PLBD2: variants seen among roughly 807,000 people sequenced by gnomAD.
The protein encoded by PLBD2 is phospholipase B domain containing 2, also known as putative aminopeptidase PLBD2.
A neutral mutation model predicts 68.3 loss-of-function variants in PLBD2; 51 were observed. The observed-to-expected ratio is 0.75, with a 90% confidence interval of 0.60 to 0.94. PLBD2 has a LOEUF of 0.94. Ranked by LOEUF, PLBD2 falls within the 40% of genes least tolerant of loss-of-function variation. PLBD2 has a pLI of 0.00. For missense variants in PLBD2, 729 were observed against 792.2 expected (o/e 0.92, Z 0.96); for synonymous variants, 314 against 339.3 (o/e 0.93, Z 0.82).
At chr12:113,368,523 C>T (rs572958876) in intron 1 of PLBD2, among the ~76,000 whole-genome samples, 1 of 152,278 alleles carries the variant, frequency 6.6e-6, no homozygotes, top group East Asian at 1.9e-4. Context: ...TTATAACTAG[C>T]ATGCTGTCAC....
chr12:113,377,606 C>T (rs1007174418), intron 5 of PLBD2, among the ~76,000 whole-genome samples: 3 of 151,996 alleles, frequency 2.0e-5, no homozygotes, highest in African/African-American at 4.8e-5. Flanking sequence ...TTGTATTTTC[C>T]GTAGAAATGG....
intron 1 of PLBD2, among the ~76,000 whole-genome samples, chr12:113,363,340 C>T (rs1468331955): frequency 6.6e-6 from 1 of 151,982 alleles, no homozygotes; most frequent in Non-Finnish European, 1.5e-5. Flanking sequence ...GAAGCTGAGA[C>T]GGGAGGACTG....
chr12:113,359,031 C>A, intron 1 of PLBD2, 141 bp downstream of exon 1: 2 of 967,418 alleles, frequency 2.1e-6, no homozygotes, highest in Non-Finnish European at 2.9e-6. Context: ...GAGGCTGCAG[C>A]ACCGCCCTGC....
rs779495701 is a variant in PLBD2, at chr12:113,384,268, G to A, written c.1118+3G>A. 7.5e-6 allele frequency: 12 copies of A among 1,607,344 alleles called. No individual in the cohort carries two copies. The highest frequency in any genetic ancestry group is 1.0e-5 in the Non-Finnish European group (12 of 1,176,426). ...TTCAAGAGGTTCAACAGCGGCACGTGAGTGGGCTTCTGGCCCTGTGGCTTC... is the reference window on the plus strand; with the variant it reads ...TTCAAGAGGTTCAACAGCGGCACGTAAGTGGGCTTCTGGCCCTGTGGCTTC... On this transcript the variant is annotated splice_donor_region_variant and intron_variant, in intron 7 of 11. Transcript: ENST00000280800. The surrounding 1 kb of genome is among the most constrained non-coding windows in gnomAD (Gnocchi z 4.2).
Position 113,372,789 on chromosome 12 carries a change from C to G in PLBD2, c.525C>G (p.Asp175Glu). The change falls in exon 3 of 12, where the codon GAC becomes GAG. Residue 175 changes from aspartate to glutamate, a missense_variant. Transcript: ENST00000280800. The surrounding 1 kb of genome is among the most constrained non-coding windows in gnomAD (Gnocchi z 4.2). ...WMQEEMESNP[D>E]SPYWHQVRLT... ...AGGAAGAGATGGAGTCAAACCCAGA[C>G]TCACCTTACTGGCACCAGGTGAGTC... 1.2e-6 allele frequency: 2 copies of G among 1,613,594 alleles called. No homozygotes were observed. Among genetic ancestry groups the G allele is most frequent in the South Asian group, 2.2e-5 (2 of 91,076 alleles).
At position 113,372,095 on chromosome 12, in the gene PLBD2, C is replaced by T. The variant is rs2136908309; in HGVS notation, c.385-554C>T. On this transcript the variant is annotated intron_variant, in intron 2 of 11. Coordinates refer to ENST00000280800, the MANE Select transcript of PLBD2 (RefSeq NM_173542.4). This position sits in a 1 kb window ranked among gnomAD's most constrained non-coding sequence, Gnocchi z 4.2. ...TGGTGATGGAGCAGCAGTCATGAAGCCATCAATCCTGAGGCAGTGAGTGCT... is the reference window on the plus strand; with the variant it reads ...TGGTGATGGAGCAGCAGTCATGAAGTCATCAATCCTGAGGCAGTGAGTGCT... Among the ~76,000 whole-genome samples, 1 of 152,106 alleles carries T rather than the reference C, an allele frequency of 6.6e-6. No homozygotes were observed. The highest frequency in any genetic ancestry group is 2.1e-4 in the South Asian group (1 of 4,824).
intron 11 of PLBD2, 77 bp from the exon 12 acceptor site, chr12:113,388,382 G>A: frequency 7.2e-7 from 1 of 1,391,430 alleles, no homozygotes; most frequent in Non-Finnish European, 9.5e-7. Context: ...TGGGGTCAAG[G>A]TCAGGGTGGG....
At chr12:113,381,241 C>T (rs1316564048) in intron 6 of PLBD2, among the ~76,000 whole-genome samples, 3 of 151,838 alleles carry the variant, frequency 2.0e-5, no homozygotes, top group Non-Finnish European at 4.4e-5. Flanking sequence ...ATAACTGTGC[C>T]CCCGCCCCCC....
At chr12:113,368,300 A>T (rs1957359228) in intron 1 of PLBD2, among the ~76,000 whole-genome samples, 1 of 152,162 alleles carries the variant, frequency 6.6e-6, no homozygotes, top group Non-Finnish European at 1.5e-5. Flanking sequence ...TGTGTGATAA[A>T]CCAGCCCCAA....
chr12:113,372,749 A>G lies in PLBD2; in HGVS notation c.485A>G (p.Asn162Ser). The part of the protein sequence containing the change: ...CERLKSFLEA[N>S]LEWMQEEMES... ...AGGCTGAAGAGCTTCCTGGAGGCCA[A>G]CCTAGAGTGGATGCAGGAAGAGATG... Residue 162 changes from asparagine to serine, a missense_variant, in exon 3 of 12, where the codon AAC (asparagine) becomes AGC (serine). Transcript: ENST00000280800. The surrounding 1 kb of genome is among the most constrained non-coding windows in gnomAD (Gnocchi z 4.2). 3 of 1,614,096 alleles carry G rather than the reference A, an allele frequency of 1.9e-6. No individual in the cohort carries two copies. The highest frequency in any genetic ancestry group is 2.5e-6 in the Non-Finnish European group (3 of 1,180,022).
Position 113,372,960 on chromosome 12 carries a change from A to T in PLBD2, c.543+153A>T, listed in dbSNP as rs1201849807. Among the ~76,000 whole-genome samples, 2 of 152,162 alleles carry T rather than the reference A, an allele frequency of 1.3e-5. No individual in the cohort carries two copies. The highest frequency in any genetic ancestry group is 6.5e-5 in the Admixed American group (1 of 15,278). On this transcript the variant is annotated intron_variant, in intron 3 of 11. Transcript: ENST00000280800. The surrounding 1 kb of genome is among the most constrained non-coding windows in gnomAD (Gnocchi z 4.2). ...ATCCCTCCTAGCCGACCTGCCACTC[A>T]TCCATCTGCCCAGTCTCCATCTGTC...
Position 113,384,848 on chromosome 12 carries a change from C to T in PLBD2, c.1119-3C>T. ...TTCAGTCCTCCCTTCCCCTGCCCGG[C>T]AGGTATAACAACCAGTGGATGATCG... On this transcript the variant is annotated splice_region_variant and splice_polypyrimidine_tract_variant and intron_variant, in intron 7 of 11. Transcript: ENST00000280800. The surrounding 1 kb of genome is among the most constrained non-coding windows in gnomAD (Gnocchi z 4.2). 6.2e-7 allele frequency: 1 copy of T among 1,613,614 alleles called. No individual in the cohort carries two copies. The highest frequency in any genetic ancestry group is 8.5e-7 in the Non-Finnish European group (1 of 1,179,728).
chr12:113,384,247 A>C lies in PLBD2; in HGVS notation c.1100A>C (p.Lys367Thr), dbSNP rs1460364076. Residue 367 changes from lysine (K) to threonine (T), a missense_variant, in exon 7 of 12, where the codon AAG becomes ACG. Physicochemically the swap from Lys to Thr is moderately conservative, Grantham distance 78 (BLOSUM62 -1). Coordinates refer to ENST00000280800, the MANE Select transcript of PLBD2 (RefSeq NM_173542.4). The surrounding 1 kb of genome is among the most constrained non-coding windows in gnomAD (Gnocchi z 4.2). ...SDGATWADIFKRFNSGTYNNQ... is the reference protein window; with the variant it reads ...SDGATWADIFTRFNSGTYNNQ... ...GGGGCCACCTGGGCAGACATCTTCA[A>C]GAGGTTCAACAGCGGCACGTGAGTG... 1 of 1,613,074 alleles carries C rather than the reference A, an allele frequency of 6.2e-7. No individual in the cohort carries two copies. The highest frequency in any genetic ancestry group is 1.7e-5 in the Admixed American group (1 of 59,822).
intron 1 of PLBD2, among the ~76,000 whole-genome samples, chr12:113,360,919 C>G (rs1768583451): frequency 6.6e-6 from 1 of 152,162 alleles, no homozygotes; most frequent in African/African-American, 2.4e-5. Flanking sequence ...GACTTTCTGG[C>G]TTGTTTTCGG....
intron 8 of PLBD2, 84 bp downstream of exon 8, chr12:113,385,030 C>A: frequency 7.1e-7 from 1 of 1,415,314 alleles, no homozygotes; most frequent in Non-Finnish European, 9.8e-7. Flanking sequence ...TGGCGCTGTG[C>A]AGGAAGTGAA....
At chr12:113,371,515 G>A (rs1957388798) in intron 2 of PLBD2, among the ~76,000 whole-genome samples, 1 of 152,248 alleles carries the variant, frequency 6.6e-6, no homozygotes, top group South Asian at 2.1e-4. Flanking sequence ...CTTAGTGTCT[G>A]GGGAAGTGGT....
In PLBD2 at chr12:113,388,640, C is replaced by A. The variant is rs1384819496; in HGVS notation, c.*14C>A. 6.4e-7 allele frequency: 1 copy of A among 1,554,358 alleles called. No individual in the cohort carries two copies. The highest frequency in any genetic ancestry group is 8.7e-7 in the Non-Finnish European group (1 of 1,148,304). ...TCATGGGACTGAAGTTCTGTCCCTGCTCTGCTGCTTTCGCCCCTGCTGACC... is the reference window on the plus strand; with the variant it reads ...TCATGGGACTGAAGTTCTGTCCCTGATCTGCTGCTTTCGCCCCTGCTGACC... On this transcript the variant is annotated 3_prime_UTR_variant, in exon 12 of 12. Transcript: ENST00000280800.
chr12:113,383,696 A>G (rs537485457), intron 6 of PLBD2, among the ~76,000 whole-genome samples: 1 of 151,760 alleles, frequency 6.6e-6, no homozygotes, highest in Admixed American at 6.6e-5. Context: ...TGGCCTCCCA[A>G]AGTGTGAGCC....
chr12:113,375,689 G>A (rs1957433377), intron 5 of PLBD2, among the ~76,000 whole-genome samples: 1 of 152,168 alleles, frequency 6.6e-6, no homozygotes, highest in African/African-American at 2.4e-5. Context: ...TGGCTGGAAT[G>A]GGATGGCCTC....
Sources: gnomAD v4.1 joint callset for allele counts (sites outside exome capture counted in the v4.1 genomes callset) on GRCh38, gnomAD v4.1.1 for gene constraint, Gnocchi (gnomAD v3.1) non-coding constraint, MANE v1.5 for transcripts, NCBI Gene and HGNC (gene_info 2026-07-23, HGNC 2026-07-21) for gene names.